The following HDAC4 variants were observed in gnomAD, a reference collection of about 807,000 sequenced individuals.
The protein encoded by HDAC4 is histone deacetylase A.
In HDAC4, 16 loss-of-function variants were observed where a neutral mutation model predicts 135.1. The ratio of observed to expected loss-of-function variants is 0.12; its 90% CI spans 0.08 to 0.18. The LOEUF is 0.18. HDAC4 is among the 10% of genes least tolerant of loss of function. The pLI is 1.00. For synonymous variants in HDAC4, 685 were observed against 653.4 expected (o/e 1.05, Z -0.74); for missense variants, 1,143 against 1,511.8 (o/e 0.76, Z 4.05).
intron 7 of HDAC4, among the ~76,000 whole-genome samples, chr2:239,153,680 A>C (rs1197836776): frequency 6.6e-6 from 1 of 152,222 alleles, no homozygotes; most frequent in African/African-American, 2.4e-5. Context: ...ATGTATTCTA[A>C]ATAACATTTC....
Position 239,115,133 on chromosome 2 carries a change from C to T in HDAC4, c.1711G>A (p.Asp571Asn), listed in dbSNP as rs766774557. The change falls in exon 13 of 27, where the codon GAT becomes AAT. Residue 571 changes from aspartate to asparagine, a missense_variant. Physicochemically the swap from Asp to Asn is conservative, Grantham distance 23 (BLOSUM62 1). Coordinates refer to ENST00000543185, the MANE Select transcript of HDAC4 (RefSeq NM_001378414.1). This position sits in a 1 kb window ranked among gnomAD's most constrained non-coding sequence, Gnocchi z 6.3. Reference protein sequence around the residue: ...VQVKQEPIESDEEEAEPPREV... With the variant: ...VQVKQEPIESNEEEAEPPREV... ...CGTGGGGGCTCTGCCTCTTCCTCAT[C>T]GCTCTCAATGGGCTCCTGCTTCACC... The T allele has an allele frequency of 1.4e-5, 22 of 1,611,782 alleles. No individual in the cohort carries two copies. Among genetic ancestry groups the T allele is most frequent in the South Asian group, 3.3e-5 (3 of 91,090 alleles).
chr2:239,151,323 G>A (rs1200548346), intron 7 of HDAC4, among the ~76,000 whole-genome samples: 1 of 152,202 alleles, frequency 6.6e-6, no homozygotes, highest in Non-Finnish European at 1.5e-5. Context: ...CACAACGGGA[G>A]GTCATCTAGT....
intron 1 of HDAC4, among the ~76,000 whole-genome samples, chr2:239,386,270 C>A (rs1354260040): frequency 6.6e-6 from 1 of 152,004 alleles, no homozygotes; most frequent in East Asian, 1.9e-4. Flanking sequence ...GTCACAGACA[C>A]TGAGACTCAA....
rs558109921 is a variant in HDAC4 at position 239,073,334 on chromosome 2, G to A, written c.2751-4727C>T. ...CTGTGCCCCGAGGGCCATCGTTAGG[G>A]GCTGAGGAAACAAGGTGAATCTAGA... On this transcript the variant is annotated intron_variant, in intron 22 of 26. Coordinates refer to ENST00000543185, the MANE Select transcript of HDAC4 (RefSeq NM_001378414.1). 1.1e-4 allele frequency among the ~76,000 whole-genome samples: 16 copies of A among 152,318 alleles called. No homozygotes were observed. In the East Asian group the frequency reaches 3.1e-3, roughly 29 times the overall value.
At chr2:239,080,967 C>T (rs748168984) in intron 22 of HDAC4, 128 bp downstream of exon 22, 43 of 685,872 alleles carry the variant, frequency 6.3e-5, no homozygotes, top group Non-Finnish European at 7.6e-5. Flanking sequence ...ACAGCTCCTC[C>T]GGACCCCACA....
chr2:239,166,623 C>T (rs906326922), intron 5 of HDAC4, among the ~76,000 whole-genome samples: 1 of 152,196 alleles, frequency 6.6e-6, no homozygotes, highest in Non-Finnish European at 1.5e-5. Context: ...GGAAACCATT[C>T]GCTTCTACCA....
intron 2 of HDAC4, among the ~76,000 whole-genome samples, chr2:239,348,901 C>T (rs1442408434): frequency 2.0e-5 from 3 of 152,206 alleles, no homozygotes; most frequent in Non-Finnish European, 4.4e-5. Context: ...CAAAGTTCAG[C>T]GGGAACAGCA....
At chr2:239,287,843 T>C (rs996113281) in intron 2 of HDAC4, among the ~76,000 whole-genome samples, 1 of 151,956 alleles carries the variant, frequency 6.6e-6, no homozygotes, top group African/African-American at 2.4e-5. Context: ...TCTATGACAA[T>C]AAAATTGAAA....
chr2:239,090,522 C>T (rs951106208), intron 17 of HDAC4, among the ~76,000 whole-genome samples: 1 of 144,878 alleles, frequency 6.9e-6, no homozygotes, highest in Non-Finnish European at 1.5e-5. Context: ...ATCCGAAATA[C>T]TACAAAAGCA....
intron 2 of HDAC4, among the ~76,000 whole-genome samples, chr2:239,297,690 C>T (rs905729008): frequency 6.6e-6 from 1 of 152,240 alleles, no homozygotes; most frequent in South Asian, 2.1e-4. Context: ...CTCGGGATTG[C>T]ACCACGCTGT....
chr2:239,368,875 T>C (rs1486228582), intron 1 of HDAC4, among the ~76,000 whole-genome samples: 3 of 152,136 alleles, frequency 2.0e-5, no homozygotes, highest in African/African-American at 7.2e-5. Context: ...AAACTATCGA[T>C]GTCGGCATCG....
chr2:239,115,559 GCTGA>G lies in HDAC4; in HGVS notation c.1534-253_1534-250del, dbSNP rs1035418112. 1.3e-5 allele frequency among the ~76,000 whole-genome samples: 2 copies of G among 152,122 alleles called. No individual in the cohort carries two copies. Among genetic ancestry groups the G allele is most frequent in the African/African-American group, 2.4e-5 (1 of 41,418 alleles). ...AAGGTGACCTGGCCCAGGGAAGGAG[GCTGA>G]CTAACATTTGGGGTTTACTAAGCAC... On this transcript the variant is annotated intron_variant, in intron 12 of 26. Coordinates refer to ENST00000543185, the MANE Select transcript of HDAC4 (RefSeq NM_001378414.1). This position sits in a 1 kb window ranked among gnomAD's most constrained non-coding sequence, Gnocchi z 6.3.
At position 239,307,492 on chromosome 2, in the gene HDAC4, G is replaced by T. The variant is rs1398579914; in HGVS notation, c.22+45186C>A. Among the ~76,000 whole-genome samples, 1 of 152,142 alleles carries T rather than the reference G, an allele frequency of 6.6e-6. No homozygotes were observed. Among genetic ancestry groups the T allele is most frequent in the Non-Finnish European group, 1.5e-5 (1 of 68,034 alleles). ...CCCTCCCACCACTAATCAGGGACCT[G>T]CCAGAGATACGAGGGCCCAGTGGTC... On this transcript the variant is annotated intron_variant, in intron 2 of 26. Transcript: ENST00000543185. The surrounding 1 kb of genome is among the most constrained non-coding windows in gnomAD (Gnocchi z 4.8).
At chr2:239,090,192 C>T in intron 17 of HDAC4, 76 bp from the exon 18 acceptor site, 1 of 1,084,352 alleles carries the variant, frequency 9.2e-7, no homozygotes, top group Non-Finnish European at 1.4e-6. Context: ...GGCAGAGCAG[C>T]TCAGGTTCCG....
chr2:239,374,984 G>A (rs1694905883), intron 1 of HDAC4, among the ~76,000 whole-genome samples: 1 of 152,198 alleles, frequency 6.6e-6, no homozygotes, highest in South Asian at 2.1e-4. Flanking sequence ...AGACCCAGGT[G>A]AGGGGTGACG....
intron 2 of HDAC4, among the ~76,000 whole-genome samples, chr2:239,347,733 G>T (rs771816942): frequency 6.6e-6 from 1 of 152,060 alleles, no homozygotes; most frequent in Non-Finnish European, 1.5e-5. Flanking sequence ...CAGGCTGATC[G>T]CGAACTCCTG....
At chr2:239,324,236 T>C (rs1456871473) in intron 2 of HDAC4, among the ~76,000 whole-genome samples, 1 of 152,088 alleles carries the variant, frequency 6.6e-6, no homozygotes, top group Non-Finnish European at 1.5e-5. Flanking sequence ...AAGGCAAAAA[T>C]GTAGCCACAA....
At chr2:239,184,509 TC>T (rs1421686869) in intron 4 of HDAC4, among the ~76,000 whole-genome samples, 1 of 75,024 alleles carries the variant, frequency 1.3e-5, no homozygotes, top group African/African-American at 5.0e-5. Context: ...TGGGGGGGGG[TC>T]CCCCAGTGTC....
At chr2:239,060,493 CG>C (rs1553601848) in intron 24 of HDAC4, among the ~76,000 whole-genome samples, 2 of 152,210 alleles carry the variant, frequency 1.3e-5, no homozygotes, top group African/African-American at 2.4e-5. Flanking sequence ...TAGGCAGATG[CG>C]GGGCTGCTCT....
Sources: allele counts gnomAD v4.1 joint callset (sites outside exome capture counted in the v4.1 genomes callset), GRCh38; gene constraint gnomAD v4.1.1; non-coding constraint Gnocchi (gnomAD v3.1); transcripts MANE v1.5; gene names NCBI Gene and HGNC (gene_info 2026-07-23, HGNC 2026-07-21).